The following AP1G1 variants were observed in gnomAD, a reference collection of about 807,000 sequenced individuals.
The protein encoded by AP1G1 is adaptor related protein complex 1 subunit gamma 1, also known as AP-1 complex subunit gamma-1.
AP1G1 carries 7 observed loss-of-function variants against 108.3 expected under a neutral mutation model. The ratio of observed to expected loss-of-function variants is 0.06; its 90% CI spans 0.04 to 0.12. The LOEUF is 0.12. Among genes scored for constraint, AP1G1 ranks in the 10% least tolerant of loss-of-function variants. AP1G1 has a pLI of 1.00. For missense variants in AP1G1, 756 were observed against 1,010.7 expected (o/e 0.75, Z 3.42); for synonymous variants, 379 against 353.5 (o/e 1.07, Z -0.81).
At chr16:71,783,509 A>T (rs2032096965) in intron 2 of AP1G1, among the ~76,000 whole-genome samples, 1 of 152,236 alleles carries the variant, frequency 6.6e-6, no homozygotes, top group Admixed American at 6.5e-5. Flanking sequence ...AAGATGTGTT[A>T]AGACTTAAAA....
intron 16 of AP1G1, among the ~76,000 whole-genome samples, chr16:71,747,698 T>C (rs748740656): frequency 4.6e-5 from 7 of 152,118 alleles, no homozygotes; most frequent in South Asian, 4.1e-4. Flanking sequence ...ACGTAACTTT[T>C]AGGCCAGGTG....
chr16:71,750,330 T>C lies in AP1G1; in HGVS notation c.1287A>G (p.Ala429=), dbSNP rs1393082064. ...IDTIMRVLTT[A]GSYVRDDAVP... ...CTGCATCATCACGAACATAACTTCC[T>C]GCCTAAAAGGAAATGCAGACAATTA... The change falls in exon 14 of 23, where the codon GCA becomes GCG. Residue 429 remains alanine, a splice_region_variant and synonymous_variant. Transcript: ENST00000299980. The C allele has an allele frequency of 1.2e-6, 2 of 1,613,750 alleles. No individual in the cohort carries two copies. Among genetic ancestry groups the C allele is most frequent in the Non-Finnish European group, 1.7e-6 (2 of 1,179,988 alleles).
intron 2 of AP1G1, 109 bp from the exon 3 acceptor site, chr16:71,774,701 G>T: frequency 8.5e-7 from 1 of 1,182,748 alleles, no homozygotes; most frequent in Non-Finnish European, 1.2e-6. Flanking sequence ...AAGTACAAAT[G>T]TGTTTCATCA....
At chr16:71,753,785 C>T (rs12050951) in intron 13 of AP1G1, 48 bp downstream of exon 13, 78,889 of 1,512,890 alleles carry the variant, frequency 0.052, 2,472 homozygotes, top group East Asian at 0.092. Context: ...ATGATAACAT[C>T]AGTATATCCC....
In AP1G1 at chr16:71,733,281, A is replaced by G. The variant is rs965501101; in HGVS notation, c.2368-122T>C. The G allele has an allele frequency of 5.4e-6, 4 of 741,196 alleles. No homozygotes were observed. In the African/African-American group the frequency reaches 7.1e-5, roughly 13 times the overall value. The allele number at this position is 741,196 out of a possible 1,614,324, so 45.9% of individuals were successfully genotyped here. A position where few individuals can be genotyped will look rare whatever the true frequency, so the allele number is the denominator to read the frequency against. ...CTTAAAGCAAAGCTGTCTGTTAAGAATGACAGGTAAACAACAACAAAAAAC... is the reference window on the plus strand; with the variant it reads ...CTTAAAGCAAAGCTGTCTGTTAAGAGTGACAGGTAAACAACAACAAAAAAC... On this transcript the variant is annotated intron_variant, in intron 22 of 22. Transcript: ENST00000299980.
chr16:71,744,273 G>A (rs563987466), intron 19 of AP1G1, among the ~76,000 whole-genome samples: 9 of 152,162 alleles, frequency 5.9e-5, no homozygotes, highest in Admixed American at 3.3e-4. Context: ...TATTGGACTC[G>A]GGTTTATCAT....
At chr16:71,766,181 C>T (rs1254103496) in intron 6 of AP1G1, among the ~76,000 whole-genome samples, 1 of 152,140 alleles carries the variant, frequency 6.6e-6, no homozygotes, top group South Asian at 2.1e-4. Flanking sequence ...TTACATCTTT[C>T]ATCTTAAGAG....
chr16:71,797,437 G>C (rs576933592), intron 1 of AP1G1, among the ~76,000 whole-genome samples: 32 of 151,996 alleles, frequency 2.1e-4, no homozygotes, highest in Non-Finnish European at 3.5e-4. Context: ...ACCTAGTAAG[G>C]TGTCATTCAT....
rs373858987 is a variant in AP1G1, at chr16:71,731,059, G to A, written c.*1999C>T. ...TATTCAAGAAATCCACCAACATTAT[G>A]TTAATCCTATCATGTTTCACAGCAT... On this transcript the variant is annotated 3_prime_UTR_variant, in exon 23 of 23. Transcript: ENST00000299980. The A allele has an allele frequency of 1.3e-5, 2 of 152,582 alleles. No individual in the cohort carries two copies. The highest frequency in any genetic ancestry group is 4.8e-5 in the African/African-American group (2 of 41,464). 9.5% of individuals were successfully genotyped at this position (152,582 alleles called of 1,614,324 possible).
intron 1 of AP1G1, among the ~76,000 whole-genome samples, chr16:71,802,710 A>ACAGAG (rs1237887599): frequency 6.6e-6 from 1 of 151,752 alleles, no homozygotes; most frequent in Non-Finnish European, 1.5e-5. Flanking sequence ...AGCCTGGGTG[A>ACAGAG]CAGAGCAAGA....
Position 71,732,833 on chromosome 16 carries a change from T to C in AP1G1, c.*225A>G. Reference sequence around the variant, plus strand: ...TGCGGAAAAAGGAGAAGAGGAAGAGTGCAAAGTAGCCTCCAGAAGCAGCCA... The same window carrying C: ...TGCGGAAAAAGGAGAAGAGGAAGAGCGCAAAGTAGCCTCCAGAAGCAGCCA... On this transcript the variant is annotated 3_prime_UTR_variant, in exon 23 of 23. Transcript: ENST00000299980. The C allele has an allele frequency of 4.3e-6, 2 of 460,566 alleles. No homozygotes were observed. Among genetic ancestry groups the C allele is most frequent in the South Asian group, 7.9e-5 (2 of 25,228 alleles). The allele number at this position is 460,566 out of a possible 1,614,324, so 28.5% of individuals were successfully genotyped here. A position where few individuals can be genotyped will look rare whatever the true frequency, so the allele number is the denominator to read the frequency against.
chr16:71,758,169 C>T (rs532018990), intron 11 of AP1G1, among the ~76,000 whole-genome samples: 1 of 152,286 alleles, frequency 6.6e-6, no homozygotes, highest in East Asian at 1.9e-4. Context: ...TTTAAATATA[C>T]TTTGTTCTAG....
chr16:71,808,224 G>C lies in AP1G1; in HGVS notation c.-4+539C>G, dbSNP rs535556168. The C allele has an allele frequency of 2.4e-5, 26 of 1,067,750 alleles. No homozygotes were observed. In the South Asian group the frequency reaches 3.2e-4, roughly 13 times the overall value. The allele number at this position is 1,067,750 out of a possible 1,614,324, so 66.1% of individuals were successfully genotyped here. Reference sequence around the variant, plus strand: ...AACAACAACATATACACACACACACGAAAAATTGGGAAAGAAGTTGGTCGG... The same window carrying C: ...AACAACAACATATACACACACACACCAAAAATTGGGAAAGAAGTTGGTCGG... On this transcript the variant is annotated intron_variant, in intron 1 of 22. Coordinates refer to ENST00000299980, the MANE Select transcript of AP1G1 (RefSeq NM_001128.6).
At chr16:71,789,865 T>C (rs1477737592) in intron 1 of AP1G1, among the ~76,000 whole-genome samples, 4 of 152,244 alleles carry the variant, frequency 2.6e-5, no homozygotes, top group Non-Finnish European at 1.5e-5. Flanking sequence ...AGATATTATC[T>C]GTTCAACTGC....
At chr16:71,760,556 A>T (rs2031036012) in intron 10 of AP1G1, among the ~76,000 whole-genome samples, 1 of 151,582 alleles carries the variant, frequency 6.6e-6, no homozygotes, top group Non-Finnish European at 1.5e-5. Context: ...AAAAAAAAAA[A>T]AAAAAAGAAA....
chr16:71,741,497 C>A (rs1206940444), intron 19 of AP1G1, among the ~76,000 whole-genome samples: 2 of 152,086 alleles, frequency 1.3e-5, no homozygotes, highest in East Asian at 3.8e-4. Flanking sequence ...GCAGGAGAAT[C>A]GCTTGAATCT....
chr16:71,754,553 T>G (rs1287451689), intron 12 of AP1G1, among the ~76,000 whole-genome samples: 1 of 152,150 alleles, frequency 6.6e-6, no homozygotes, highest in Non-Finnish European at 1.5e-5. Flanking sequence ...TCCCAGTACT[T>G]TGGGACGCCA....
rs1300207329 is a variant in AP1G1, at chr16:71,729,541, TA to T, written c.*3516del. 1 of 152,562 alleles carries T rather than the reference TA, an allele frequency of 6.6e-6. No individual in the cohort carries two copies. Among genetic ancestry groups the T allele is most frequent in the Non-Finnish European group, 1.5e-5 (1 of 68,028 alleles). The allele number at this position is 152,562 out of a possible 1,614,324, so 9.5% of individuals were successfully genotyped here. On this transcript the variant is annotated 3_prime_UTR_variant, in exon 23 of 23. Coordinates refer to ENST00000299980, the MANE Select transcript of AP1G1 (RefSeq NM_001128.6). Reference sequence around the variant, plus strand: ...AAGCTGCTTCGGCATTTCCTTCTGTTAAAGTGTTCCAGGTCCTGGAACCCTG... The same window carrying T: ...AAGCTGCTTCGGCATTTCCTTCTGTTAAGTGTTCCAGGTCCTGGAACCCTG...
At position 71,807,901 on chromosome 16, in the gene AP1G1, G is replaced by A. The variant is rs1371831710; in HGVS notation, c.-4+862C>T. ...CACAAGTGTCAGTAAGCACCAAAAA[G>A]CTAAGTATTCAGCACAGGGAGGGAA... On this transcript the variant is annotated intron_variant, in intron 1 of 22. Coordinates refer to ENST00000299980, the MANE Select transcript of AP1G1 (RefSeq NM_001128.6). The A allele has an allele frequency of 7.8e-6, 10 of 1,283,786 alleles. No individual in the cohort carries two copies. In the Admixed American group the frequency reaches 2.3e-4, roughly 30 times the overall value. The allele number at this position is 1,283,786 out of a possible 1,614,324, so 79.5% of individuals were successfully genotyped here.
Sources: gnomAD v4.1 joint callset for allele counts (sites outside exome capture counted in the v4.1 genomes callset) on GRCh38, gnomAD v4.1.1 for gene constraint, MANE v1.5 for transcripts, NCBI Gene and HGNC (gene_info 2026-07-23, HGNC 2026-07-21) for gene names.